Variants in ADGRA3 observed in about 807,000 individuals in gnomAD.
ADGRA3 encodes the protein G-protein coupled receptor 125.
Under a neutral mutation model 119.8 loss-of-function variants are expected in ADGRA3, and 56 were observed. That is an observed-to-expected ratio of 0.47 (90% confidence interval 0.38 to 0.58). ADGRA3 has a LOEUF of 0.58. Among genes scored for constraint, ADGRA3 ranks in the 20% least tolerant of loss-of-function variants. The probability of loss-of-function intolerance (pLI) is 0.00; values close to 1 mark genes in which losing one functional copy is unlikely to be tolerated. For missense variants in ADGRA3, 1,516 were observed against 1,649.0 expected, an observed-to-expected ratio of 0.92 and a Z score of 1.40; for synonymous variants, 607 against 623.8, an observed-to-expected ratio of 0.97 and a Z score of 0.40.
intron 1 of ADGRA3, among the ~76,000 whole-genome samples, chr4:22,488,450 A>T (rs1438438625): frequency 6.6e-6 from 1 of 152,064 alleles, no homozygotes; most frequent in South Asian, 2.1e-4. Context: ...TCCCCAGATG[A>T]GCTCAGTTGG....
chr4:22,484,569 C>T (rs1269055672), intron 1 of ADGRA3, among the ~76,000 whole-genome samples: 1 of 150,058 alleles, frequency 6.7e-6, no homozygotes, highest in Non-Finnish European at 1.5e-5. Flanking sequence ...CACGCCACTG[C>T]ACTCTAGCCT....
At chr4:22,393,570 G>C (rs1170106610) in intron 16 of ADGRA3, 2 of 152,066 alleles carry the variant, frequency 1.3e-5, no homozygotes, top group African/African-American at 4.8e-5. Context: ...TTACCTGCTG[G>C]GTGATCTGAG....
At chr4:22,511,897 T>TTTTC (rs1312921545) in intron 1 of ADGRA3, among the ~76,000 whole-genome samples, 1 of 132,126 alleles carries the variant, frequency 7.6e-6, no homozygotes, top group African/African-American at 3.0e-5. Context: ...CTTTCTTTCT[T>TTTTC]TTTTTTTTTT....
intron 1 of ADGRA3, among the ~76,000 whole-genome samples, chr4:22,488,347 A>G (rs530661019): frequency 6.8e-4 from 91 of 133,122 alleles, no homozygotes; most frequent in African/African-American, 2.3e-3. Flanking sequence ...AAAATAATTT[A>G]TGAAGCTTTA....
intron 1 of ADGRA3, among the ~76,000 whole-genome samples, chr4:22,498,586 C>A (rs2109164349): frequency 6.6e-6 from 1 of 151,714 alleles, no homozygotes; most frequent in East Asian, 2.0e-4. Context: ...CCACTGCAAT[C>A]CAGCCTAAGC....
chr4:22,477,039 G>A (rs1409542327), intron 1 of ADGRA3, among the ~76,000 whole-genome samples: 1 of 151,654 alleles, frequency 6.6e-6, no homozygotes, highest in Non-Finnish European at 1.5e-5. Context: ...ATTTTTTTAA[G>A]TATTTTTCCT....
intron 14 of ADGRA3, among the ~76,000 whole-genome samples, chr4:22,405,363 G>A (rs1472543972): frequency 6.6e-6 from 1 of 151,926 alleles, no homozygotes; most frequent in Non-Finnish European, 1.5e-5. Context: ...AACACAGTGA[G>A]ATCCCATTTC....
intron 14 of ADGRA3, among the ~76,000 whole-genome samples, chr4:22,410,952 A>G (rs369484451): frequency 1.3e-5 from 2 of 152,196 alleles, no homozygotes; most frequent in Non-Finnish European, 2.9e-5. Flanking sequence ...TTAAGAGATT[A>G]AAAGTCTGAA....
Position 22,515,913 on chromosome 4 carries a change from C to T in ADGRA3, c.-129G>A, listed in dbSNP as rs939742810. 10 of 527,726 alleles carry T rather than the reference C, an allele frequency of 1.9e-5. No individual in the cohort carries two copies. Among genetic ancestry groups the T allele is most frequent in the African/African-American group, 1.7e-4 (8 of 48,240 alleles). The allele number at this position is 527,726 out of a possible 1,614,324, so 32.7% of individuals were successfully genotyped here. A position where few individuals can be genotyped will look rare whatever the true frequency, so the allele number is the denominator to read the frequency against. Reference sequence around the variant, plus strand: ...AGCCTTATGGCGGCCGGAGGACGGGCCTTCCCCGGCGCGGACATGCTCCTT... The same window carrying T: ...AGCCTTATGGCGGCCGGAGGACGGGTCTTCCCCGGCGCGGACATGCTCCTT... On this transcript the variant is annotated 5_prime_UTR_variant, in exon 1 of 19. Coordinates refer to ENST00000334304, the MANE Select transcript of ADGRA3 (RefSeq NM_145290.4).
chr4:22,423,409 G>A (rs1341510927), intron 11 of ADGRA3, among the ~76,000 whole-genome samples: 1 of 152,144 alleles, frequency 6.6e-6, no homozygotes. Flanking sequence ...ACAGGAGGAA[G>A]TGTAGAATAT....
Position 22,447,514 on chromosome 4 carries a change from G to GA in ADGRA3, c.474-4dup. 1 of 1,523,444 alleles carries GA rather than the reference G, an allele frequency of 6.6e-7. No homozygotes were observed. 94.4% of individuals were successfully genotyped at this position (1,523,444 alleles called of 1,614,324 possible). On this transcript the variant is annotated splice_region_variant and splice_polypyrimidine_tract_variant and intron_variant, in intron 4 of 18. Transcript: ENST00000334304. ...AAAACAAATTCCCCGAAAGGTTTCTGAAAGACAGAAAACAATTTCACTTTT... is the reference window on the plus strand; with the variant it reads ...AAAACAAATTCCCCGAAAGGTTTCTGAAAAGACAGAAAACAATTTCACTTTT...
At chr4:22,453,211 A>AG (rs1717120444) in intron 4 of ADGRA3, among the ~76,000 whole-genome samples, 1 of 77,578 alleles carries the variant, frequency 1.3e-5, no homozygotes, top group African/African-American at 3.0e-5. Context: ...AAAAAAAAAA[A>AG]AAAAAAGAAA....
Position 22,392,695 on chromosome 4 carries a change from A to C in ADGRA3, c.2482-5T>G. The C allele has an allele frequency of 6.2e-7, 1 of 1,600,638 alleles. No individual in the cohort carries two copies. The highest frequency in any genetic ancestry group is 8.5e-7 in the Non-Finnish European group (1 of 1,176,078). ...ATAGTGAAGAATTATCCCAACCTAC[A>C]AGGAAGATCAAAGAATAAATAAAAG... On this transcript the variant is annotated splice_region_variant and splice_polypyrimidine_tract_variant and intron_variant, in intron 16 of 18. Coordinates refer to ENST00000334304, the MANE Select transcript of ADGRA3 (RefSeq NM_145290.4).
intron 17 of ADGRA3, among the ~76,000 whole-genome samples, chr4:22,390,432 T>TA (rs1553871453): frequency 5.7e-5 from 1 of 17,566 alleles, no homozygotes; most frequent in African/African-American, 3.3e-4. Flanking sequence ...ATAATACGTA[T>TA]TATATATATA....
Position 22,505,519 on chromosome 4 carries a change from C to T in ADGRA3, c.257+10009G>A, listed in dbSNP as rs375987727. ...AAAATTAGCTAGGCATGGTGGTGGG[C>T]GCCTGTAATCCCAGCTACTCGAGAG... is the stretch of plus-strand genomic sequence containing the variant. On this transcript the variant is annotated intron_variant, in intron 1 of 18. Coordinates refer to ENST00000334304, the MANE Select transcript of ADGRA3 (RefSeq NM_145290.4). 2.9e-4 allele frequency among the ~76,000 whole-genome samples: 44 copies of T among 151,698 alleles called. 2 individuals carry two copies. The East Asian group carries it at 7.0e-3, about 24-fold the overall frequency.
chr4:22,452,375 AC>A (rs776193206), intron 4 of ADGRA3, among the ~76,000 whole-genome samples: 2 of 152,190 alleles, frequency 1.3e-5, no homozygotes, highest in Non-Finnish European at 2.9e-5. Flanking sequence ...ACAAAACTGC[AC>A]CTGTACCCCA....
chr4:22,461,218 A>G (rs1008782733), intron 3 of ADGRA3, among the ~76,000 whole-genome samples: 1 of 152,234 alleles, frequency 6.6e-6, no homozygotes, highest in Non-Finnish European at 1.5e-5. Flanking sequence ...TTTTAGTAGC[A>G]TAAGAGTAAC....
intron 7 of ADGRA3, among the ~76,000 whole-genome samples, chr4:22,438,852 C>T (rs1387618700): frequency 1.3e-5 from 2 of 152,024 alleles, no homozygotes; most frequent in Non-Finnish European, 2.9e-5. Context: ...TAAAAGTTAG[C>T]CGGGTGTTGT....
intron 3 of ADGRA3, 72 bp downstream of exon 3, chr4:22,461,665 T>C (rs1717460338): frequency 7.6e-6 from 8 of 1,054,634 alleles, no homozygotes; most frequent in Non-Finnish European, 1.0e-5. Flanking sequence ...TTTTTCATCA[T>C]GTTAAAGTAA....
Sources: allele counts gnomAD v4.1 joint callset (sites outside exome capture counted in the v4.1 genomes callset), GRCh38; gene constraint gnomAD v4.1.1; transcripts MANE v1.5; gene names NCBI Gene and HGNC (gene_info 2026-07-23, HGNC 2026-07-21).